RBPMS: variants seen among roughly 807,000 people sequenced by gnomAD.
RBPMS encodes the protein RNA-binding protein with multiple splicing.
A neutral mutation model predicts 26.8 loss-of-function variants in RBPMS; 7 were observed. That is an observed-to-expected ratio of 0.26 (90% CI 0.15 to 0.49). RBPMS has a LOEUF of 0.49. RBPMS is among the 20% of genes least tolerant of loss of function. RBPMS has a pLI of 0.98. For missense variants in RBPMS, 186 were observed against 250.0 expected (o/e 0.74, Z 1.73); for synonymous variants, 96 against 93.3 (o/e 1.03, Z -0.17).
chr8:30,484,510 G>A (rs1818589546), intron 4 of RBPMS, among the ~76,000 whole-genome samples: 1 of 152,184 alleles, frequency 6.6e-6, no homozygotes, highest in Non-Finnish European at 1.5e-5. Context: ...AGAATAAAGA[G>A]TTGAAAAGCA....
intron 1 of RBPMS, among the ~76,000 whole-genome samples, chr8:30,448,719 A>ATC (rs1200532224): frequency 3.9e-5 from 6 of 152,342 alleles, no homozygotes; most frequent in African/African-American, 1.4e-4. Context: ...AGTTATGTTG[A>ATC]ACCAAGTTAT....
chr8:30,545,442 T>G, intron 6 of RBPMS: 4 of 1,011,664 alleles, frequency 4.0e-6, no homozygotes, highest in Non-Finnish European at 4.7e-6. Flanking sequence ...CCTGCAAAGA[T>G]TGATGACCAG....
At chr8:30,463,092 A>C (rs1475162081) in intron 1 of RBPMS, among the ~76,000 whole-genome samples, 1 of 152,156 alleles carries the variant, frequency 6.6e-6, no homozygotes, top group Non-Finnish European at 1.5e-5. Flanking sequence ...TTCTCTTAGG[A>C]TTGCCTTTGG....
chr8:30,567,026 A>G (rs1264118346), intron 8 of RBPMS, among the ~76,000 whole-genome samples: 2 of 152,162 alleles, frequency 1.3e-5, no homozygotes, highest in African/African-American at 4.8e-5. Flanking sequence ...ATCCTCCTGT[A>G]GCATTCCCAG....
chr8:30,551,923 A>C (rs1383256757), intron 6 of RBPMS, among the ~76,000 whole-genome samples: 2 of 152,270 alleles, frequency 1.3e-5, no homozygotes, highest in East Asian at 3.9e-4. Flanking sequence ...AAACAGTAAG[A>C]TGTTTGGCTT....
intron 6 of RBPMS, among the ~76,000 whole-genome samples, chr8:30,549,826 CTTTT>C (rs1563440042): frequency 8.1e-6 from 1 of 123,500 alleles, no homozygotes; most frequent in African/African-American, 3.2e-5. Flanking sequence ...CTCTCTCTCT[CTTTT>C]CTTTCTTTTC....
At chr8:30,524,090 C>A (rs77133259) in intron 5 of RBPMS, among the ~76,000 whole-genome samples, 20 of 152,106 alleles carry the variant, frequency 1.3e-4, no homozygotes, top group African/African-American at 4.1e-4. Context: ...TAGCATGATT[C>A]TGTTTCTAAA....
chr8:30,445,019 T>C (rs1469315150), intron 1 of RBPMS: 1 of 152,186 alleles, frequency 6.6e-6, no homozygotes, highest in Admixed American at 6.5e-5. Flanking sequence ...TTTTTTTTCT[T>C]ACCAAAGAGA....
intron 8 of RBPMS, among the ~76,000 whole-genome samples, chr8:30,567,498 C>G (rs2151097190): frequency 6.6e-6 from 1 of 152,298 alleles, no homozygotes; most frequent in South Asian, 2.1e-4. Context: ...TTCCTTTTGT[C>G]AAAGCTCTTA....
intron 1 of RBPMS, among the ~76,000 whole-genome samples, chr8:30,446,298 C>G (rs979752940): frequency 5.3e-5 from 8 of 152,128 alleles, no homozygotes; most frequent in Admixed American, 3.3e-4. Context: ...TGTCGTAAAT[C>G]TTGTATTTTA....
Position 30,384,921 on chromosome 8 carries a change from C to T in RBPMS, c.-172C>T. 1 of 398,582 alleles carries T rather than the reference C, an allele frequency of 2.5e-6. No individual in the cohort carries two copies. Among genetic ancestry groups the T allele is most frequent in the Non-Finnish European group, 4.3e-6 (1 of 231,070 alleles). The allele number at this position is 398,582 out of a possible 1,614,324, so 24.7% of individuals were successfully genotyped here. A position where few individuals can be genotyped will look rare whatever the true frequency, so the allele number is the denominator to read the frequency against. On this transcript the variant is annotated 5_prime_UTR_variant, in exon 1 of 9. Transcript: ENST00000397323. This position sits in a 1 kb window ranked among gnomAD's most constrained non-coding sequence, Gnocchi z 5.6. ...CCGTCGCAGACTCGCCGCGGGAGCC[C>T]CAGCCCAACCCGAGCCCGACAGCCA...
intron 4 of RBPMS, among the ~76,000 whole-genome samples, chr8:30,501,147 T>TC (rs914662547): frequency 1.1e-4 from 16 of 151,682 alleles, no homozygotes; most frequent in Non-Finnish European, 1.8e-4. Context: ...GATCATATTA[T>TC]CCCCCCCATT....
At chr8:30,385,278 G>C (rs1455900816) in intron 1 of RBPMS, 120 bp downstream of exon 1, 13 of 633,616 alleles carry the variant, frequency 2.1e-5, no homozygotes, top group Non-Finnish European at 3.1e-5. Context: ...TGCCCCGGAC[G>C]CAGCCCCACA....
chr8:30,560,158 G>A (rs997678821), intron 7 of RBPMS, among the ~76,000 whole-genome samples: 11 of 152,194 alleles, frequency 7.2e-5, no homozygotes, highest in Non-Finnish European at 1.6e-4. Flanking sequence ...GAGTGCTAGG[G>A]TTTATTGTGC....
Position 30,555,911 on chromosome 8 carries a change from C to A in RBPMS, c.529-2976C>A, listed in dbSNP as rs552735562. On this transcript the variant is annotated intron_variant, in intron 6 of 8. Coordinates refer to ENST00000397323, the MANE Select transcript of RBPMS (RefSeq NM_001008710.3). ...ATTAGCGCGGAGCAGCTTGTTCCCC[C>A]CCACCGGGCCGGCTGCCCGAACTCT... 1.8e-5 allele frequency: 18 copies of A among 984,750 alleles called. No individual in the cohort carries two copies. The East Asian group carries it at 4.5e-4, about 25-fold the overall frequency. The allele number at this position is 984,750 out of a possible 1,614,324, so 61.0% of individuals were successfully genotyped here.
chr8:30,469,398 A>G (rs1056601849), intron 1 of RBPMS, among the ~76,000 whole-genome samples: 3 of 152,254 alleles, frequency 2.0e-5, no homozygotes, highest in African/African-American at 7.2e-5. Context: ...TTTATCCAAA[A>G]TCTAACTGTA....
intron 1 of RBPMS, among the ~76,000 whole-genome samples, chr8:30,458,662 A>G (rs563397346): frequency 1.3e-5 from 2 of 152,246 alleles, no homozygotes; most frequent in Admixed American, 6.5e-5. Context: ...TCTGTAGTCC[A>G]TTTCCCTTGT....
intron 6 of RBPMS, among the ~76,000 whole-genome samples, chr8:30,551,747 A>C (rs1446155189): frequency 2.6e-5 from 4 of 152,140 alleles, no homozygotes; most frequent in African/African-American, 9.7e-5. Context: ...CTGGCACCTA[A>C]CTGGGACTCA....
At chr8:30,389,905 C>T (rs570568316) in intron 1 of RBPMS, among the ~76,000 whole-genome samples, 2 of 152,226 alleles carry the variant, frequency 1.3e-5, no homozygotes, top group East Asian at 1.9e-4. Flanking sequence ...GCAGGGCCAC[C>T]GTGCTCTCTA....
Sources: gnomAD v4.1 joint callset for allele counts (sites outside exome capture counted in the v4.1 genomes callset) on GRCh38, gnomAD v4.1.1 for gene constraint, Gnocchi (gnomAD v3.1) non-coding constraint, MANE v1.5 for transcripts, NCBI Gene and HGNC (gene_info 2026-07-23, HGNC 2026-07-21) for gene names.